KAT6B: variants seen among roughly 807,000 people sequenced by gnomAD.
KAT6B encodes histone acetyltransferase KAT6B.
In KAT6B, 10 loss-of-function variants were observed where a neutral mutation model predicts 187.5. The observed-to-expected ratio is 0.05, with a 90% CI of 0.03 to 0.09. KAT6B has a LOEUF of 0.09. Ranked by LOEUF, KAT6B falls within the 10% of genes least tolerant of loss-of-function variation. The probability of loss-of-function intolerance (pLI) is 1.00; values close to 1 mark genes in which losing one functional copy is unlikely to be tolerated. For missense variants in KAT6B, 1,952 were observed against 2,558.9 expected (o/e 0.76, Z 5.12); for synonymous variants, 861 against 926.8 (o/e 0.93, Z 1.29).
At chr10:74,974,837 C>T (rs1359012981) in intron 7 of KAT6B, among the ~76,000 whole-genome samples, 1 of 152,084 alleles carries the variant, frequency 6.6e-6, no homozygotes, top group Non-Finnish European at 1.5e-5. Flanking sequence ...ATCTTACCAT[C>T]CTAAGCACAA....
intron 4 of KAT6B, among the ~76,000 whole-genome samples, chr10:74,967,329 C>CA (rs143829532): frequency 0.011 from 1,271 of 113,246 alleles, 9 homozygotes; most frequent in South Asian, 0.026. Flanking sequence ...GACTCCGTCT[C>CA]AAAAAAAAAA....
chr10:74,863,658 A>G (rs1411914455), intron 3 of KAT6B, among the ~76,000 whole-genome samples: 1 of 152,214 alleles, frequency 6.6e-6, no homozygotes, highest in Non-Finnish European at 1.5e-5. Flanking sequence ...GGAAGAATGG[A>G]TCCTTAGGAG....
intron 3 of KAT6B, among the ~76,000 whole-genome samples, chr10:74,866,851 C>T (rs946965664): frequency 5.3e-5 from 8 of 152,170 alleles, no homozygotes; most frequent in Non-Finnish European, 1.2e-4. Context: ...GAACAAGTTT[C>T]TCATTCTGTG....
In KAT6B at chr10:74,931,692, C is replaced by G. The variant is rs74398186; in HGVS notation, c.622-28278C>G. On this transcript the variant is annotated intron_variant, in intron 3 of 17. Transcript: ENST00000287239. ...GGCCTTTTAGAATATGATTTGCCAG[C>G]CTTCCATAGAGTATACTATTGAAGA... Among the ~76,000 whole-genome samples the G allele has an allele frequency of 1.2e-3, 183 of 152,254 alleles. 3 individuals are homozygous for G. Among genetic ancestry groups the G allele is most frequent in the African/African-American group, 4.1e-3 (171 of 41,530 alleles).
chr10:74,940,585 T>TC (rs1849600293), intron 3 of KAT6B, among the ~76,000 whole-genome samples: 1 of 150,954 alleles, frequency 6.6e-6, no homozygotes, highest in Admixed American at 6.6e-5. Context: ...TTGTTTTTTT[T>TC]TTTTTTCTTT....
intron 13 of KAT6B, among the ~76,000 whole-genome samples, chr10:75,014,668 T>C (rs1844857971): frequency 6.6e-6 from 1 of 152,132 alleles, no homozygotes; most frequent in Admixed American, 6.5e-5. Flanking sequence ...GCACAGGAAG[T>C]TGTTAGAGGT....
chr10:74,915,992 G>T (rs953882132), intron 3 of KAT6B, among the ~76,000 whole-genome samples: 2 of 152,000 alleles, frequency 1.3e-5, no homozygotes, highest in Non-Finnish European at 1.5e-5. Flanking sequence ...GAGAAACCCC[G>T]CCTCTACTAA....
At chr10:74,950,578 G>A (rs1160671963) in intron 3 of KAT6B, among the ~76,000 whole-genome samples, 3 of 152,174 alleles carry the variant, frequency 2.0e-5, no homozygotes, top group Admixed American at 2.0e-4. Flanking sequence ...ATCCTAATTA[G>A]GAGCAAACTT....
chr10:74,862,617 T>C (rs1438362161), intron 3 of KAT6B, among the ~76,000 whole-genome samples: 1 of 152,146 alleles, frequency 6.6e-6, no homozygotes, highest in Non-Finnish European at 1.5e-5. Flanking sequence ...AATCTAGAGA[T>C]GTTAATTGGT....
intron 13 of KAT6B, among the ~76,000 whole-genome samples, chr10:74,996,422 C>T (rs961776752): frequency 2.0e-5 from 3 of 152,114 alleles, no homozygotes; most frequent in African/African-American, 7.2e-5. Flanking sequence ...AGCAGAAACT[C>T]CAGGTAGATT....
At chr10:74,880,930 C>CCT (rs1844806444) in intron 3 of KAT6B, among the ~76,000 whole-genome samples, 1 of 144,498 alleles carries the variant, frequency 6.9e-6, no homozygotes. Flanking sequence ...CTTACTCTCT[C>CCT]TTTTTTTTTT....
chr10:74,847,663 T>G (rs1195888595), intron 3 of KAT6B, among the ~76,000 whole-genome samples: 1 of 141,178 alleles, frequency 7.1e-6, no homozygotes, highest in Non-Finnish European at 1.5e-5. Flanking sequence ...AAACTCCATC[T>G]CAAAAAAAAA....
At chr10:75,025,406 C>T (rs1845747076) in intron 17 of KAT6B, 157 bp downstream of exon 17, 1 of 664,714 alleles carries the variant, frequency 1.5e-6, no homozygotes, top group Admixed American at 2.8e-5. Context: ...TCCTTACAAG[C>T]TTCTCTCCCT....
At chr10:74,996,185 T>C (rs1843420611) in intron 13 of KAT6B, among the ~76,000 whole-genome samples, 1 of 152,242 alleles carries the variant, frequency 6.6e-6, no homozygotes, top group African/African-American at 2.4e-5. Context: ...TTGATTGGGA[T>C]ACCACACTCT....
At chr10:74,895,898 C>G (rs146819851) in intron 3 of KAT6B, among the ~76,000 whole-genome samples, 33 of 152,232 alleles carry the variant, frequency 2.2e-4, no homozygotes, top group African/African-American at 7.9e-4. Flanking sequence ...CAAAGATTCC[C>G]TAAAAATATT....
intron 3 of KAT6B, among the ~76,000 whole-genome samples, chr10:74,892,819 G>A (rs995553027): frequency 2.0e-5 from 3 of 152,190 alleles, no homozygotes; most frequent in African/African-American, 7.2e-5. Context: ...TTGAGTGAGT[G>A]TGGTGTGGCT....
intron 2 of KAT6B, among the ~76,000 whole-genome samples, chr10:74,841,693 C>T (rs762381714): frequency 1.3e-5 from 2 of 152,208 alleles, no homozygotes; most frequent in African/African-American, 4.8e-5. Flanking sequence ...GTTTAAGTGA[C>T]AAGTTATATG....
At chr10:74,988,386 C>A (rs1165901086) in intron 12 of KAT6B, among the ~76,000 whole-genome samples, 1 of 152,216 alleles carries the variant, frequency 6.6e-6, no homozygotes, top group Non-Finnish European at 1.5e-5. Flanking sequence ...ATATTTTGGT[C>A]TAACCTTTGT....
At chr10:74,932,852 C>T (rs1356351011) in intron 3 of KAT6B, among the ~76,000 whole-genome samples, 1 of 152,194 alleles carries the variant, frequency 6.6e-6, no homozygotes, top group African/African-American at 2.4e-5. Flanking sequence ...GTGCCACTGC[C>T]ACTTGGCTGC....
Sources: allele counts gnomAD v4.1 joint callset (sites outside exome capture counted in the v4.1 genomes callset), GRCh38; gene constraint gnomAD v4.1.1; transcripts MANE v1.5; gene names NCBI Gene and HGNC (gene_info 2026-07-23, HGNC 2026-07-21).